Variants in WASHC4 observed in about 807,000 individuals in gnomAD.
WASHC4 encodes WASH complex subunit 7.
Under a neutral mutation model 166.6 loss-of-function variants are expected in WASHC4, and 86 were observed. That is an observed-to-expected ratio of 0.52 (90% CI 0.43 to 0.62). The LOEUF (loss-of-function observed/expected upper bound fraction) is 0.62, where lower values mean the gene tolerates loss of function less well. Among genes scored for constraint, WASHC4 ranks in the 20% least tolerant of loss-of-function variants. The pLI is 0.00. For missense variants in WASHC4, 1,262 were observed against 1,382.4 expected, an observed-to-expected ratio of 0.91 and a Z score of 1.38; for synonymous variants, 446 against 451.6, an observed-to-expected ratio of 0.99 and a Z score of 0.16.
intron 14 of WASHC4, 152 bp from the exon 15 acceptor site, chr12:105,137,734 G>C: frequency 1.6e-6 from 1 of 607,910 alleles, no homozygotes; most frequent in South Asian, 1.9e-5. Flanking sequence ...GTCTCTGTGA[G>C]GAAGAGTATT....
intron 6 of WASHC4, among the ~76,000 whole-genome samples, chr12:105,117,771 T>A (rs1483798027): frequency 6.6e-6 from 1 of 152,224 alleles, no homozygotes; most frequent in Non-Finnish European, 1.5e-5. Context: ...ATAGTTTTAA[T>A]TAGGTTTTAA....
chr12:105,118,813 C>T (rs557552487), intron 7 of WASHC4, among the ~76,000 whole-genome samples: 8 of 152,076 alleles, frequency 5.3e-5, no homozygotes, highest in African/African-American at 1.7e-4. Context: ...GTTCTGTGTT[C>T]TCTCTCTTTA....
chr12:105,147,517 A>G, intron 24 of WASHC4: 1 of 725,942 alleles, frequency 1.4e-6, no homozygotes, highest in East Asian at 8.8e-5. Flanking sequence ...TAATTTACTT[A>G]ATGTTATTTA....
intron 24 of WASHC4, chr12:105,148,535 C>T (rs1266694323): frequency 1.0e-6 from 1 of 985,078 alleles, no homozygotes; most frequent in Non-Finnish European, 1.2e-6. Context: ...GGATAGAAAT[C>T]AGGATGGCAG....
rs183031023 is a variant in WASHC4 at position 105,131,172 on chromosome 12, C to T, written c.1200-2598C>T. Among the ~76,000 whole-genome samples, 694 of 150,924 alleles carry T rather than the reference C, an allele frequency of 4.6e-3. 9 individuals carry two copies. Among genetic ancestry groups the T allele is most frequent in the African/African-American group, 0.015 (628 of 41,224 alleles). ...CGCAATCTCGGCTCACTGCAAGCTC[C>T]GCTTCCCGGGTTCACGCCATTCTCC... is the stretch of plus-strand genomic sequence containing the variant. On this transcript the variant is annotated intron_variant, in intron 13 of 32. Coordinates refer to ENST00000332180, the MANE Select transcript of WASHC4 (RefSeq NM_015275.3).
At chr12:105,115,549 A>G (rs886861038) in intron 5 of WASHC4, 112 bp from the exon 6 acceptor site, 5 of 768,932 alleles carry the variant, frequency 6.5e-6, no homozygotes, top group Admixed American at 3.8e-5. Context: ...TTTCAATACT[A>G]TGCAGAGTAA....
chr12:105,135,353 T>G (rs1193376865), intron 14 of WASHC4, among the ~76,000 whole-genome samples: 1 of 151,914 alleles, frequency 6.6e-6, no homozygotes, highest in Non-Finnish European at 1.5e-5. Flanking sequence ...TCTGAATATG[T>G]CTTCATTTCA....
intron 6 of WASHC4, among the ~76,000 whole-genome samples, chr12:105,117,657 G>T (rs1880316399): frequency 6.6e-6 from 1 of 152,254 alleles, no homozygotes; most frequent in South Asian, 2.1e-4. Flanking sequence ...AATATGTTTT[G>T]TAAGCCTAGT....
At chr12:105,131,112 C>A (rs1253605946) in intron 13 of WASHC4, among the ~76,000 whole-genome samples, 1 of 150,032 alleles carries the variant, frequency 6.7e-6, no homozygotes, top group Non-Finnish European at 1.5e-5. Context: ...CGGAGTCTCG[C>A]TCTGTCTCCC....
chr12:105,153,861 C>T (rs996133184), intron 26 of WASHC4, among the ~76,000 whole-genome samples: 2 of 151,910 alleles, frequency 1.3e-5, no homozygotes, highest in Admixed American at 1.3e-4. Context: ...AATCATAGTC[C>T]TTAAAATGCT....
intron 26 of WASHC4, 139 bp downstream of exon 26, chr12:105,152,590 C>A: frequency 3.0e-6 from 2 of 662,398 alleles, no homozygotes; most frequent in Non-Finnish European, 5.5e-6. Flanking sequence ...TTTTTTACCC[C>A]CAAAATTTGT....
At chr12:105,112,260 C>T (rs1296531113) in intron 2 of WASHC4, among the ~76,000 whole-genome samples, 1 of 152,006 alleles carries the variant, frequency 6.6e-6, no homozygotes, top group Non-Finnish European at 1.5e-5. Context: ...AATAATATTC[C>T]ATTGTAAGGA....
At chr12:105,134,086 T>A (rs924439570) in intron 14 of WASHC4, among the ~76,000 whole-genome samples, 190 bp downstream of exon 14, 54 of 152,142 alleles carry the variant, frequency 3.5e-4, no homozygotes, top group Admixed American at 2.2e-3. Flanking sequence ...TATATTCCTT[T>A]ACAACTTGAC....
rs778129955 is a variant in WASHC4, at chr12:105,141,039, A to C, written c.1701A>C (p.Thr567=). 6.2e-7 allele frequency: 1 copy of C among 1,614,202 alleles called. No individual in the cohort carries two copies. The highest frequency in any genetic ancestry group is 8.5e-7 in the Non-Finnish European group (1 of 1,180,034). ...LIVSLALSVG[T]QMKTFKDEEL... is the part of the protein sequence containing the mutation. ...TTTCTTTGGCACTAAGTGTTGGCACACAAATGGTAAGTGTATTGCTATTAC... is the reference window on the plus strand; with the variant it reads ...TTTCTTTGGCACTAAGTGTTGGCACCCAAATGGTAAGTGTATTGCTATTAC... The change falls in exon 17 of 33, where the codon ACA becomes ACC. Residue 567 remains threonine (T), a synonymous_variant. Transcript: ENST00000332180.
intron 24 of WASHC4, chr12:105,148,097 G>A (rs1295553891): frequency 2.0e-6 from 2 of 985,196 alleles, no homozygotes; most frequent in South Asian, 4.7e-5. Flanking sequence ...CACATTTGGA[G>A]TAGGGAATTG....
Position 105,147,008 on chromosome 12 carries a change from C to T in WASHC4, c.2410-34C>T, listed in dbSNP as rs537537935. The T allele has an allele frequency of 3.0e-5, 35 of 1,185,904 alleles. No individual in the cohort carries two copies. In the South Asian group the frequency reaches 3.6e-4, roughly 12 times the overall value. The allele number at this position is 1,185,904 out of a possible 1,614,324, so 73.5% of individuals were successfully genotyped here. Reference sequence around the variant, plus strand: ...TTTGACCAGTGTTTGCTATGGGTTGCGTTGTTACTGAGCATAAATTTGTTT... The same window carrying T: ...TTTGACCAGTGTTTGCTATGGGTTGTGTTGTTACTGAGCATAAATTTGTTT... On this transcript the variant is annotated intron_variant, in intron 23 of 32. Coordinates refer to ENST00000332180, the MANE Select transcript of WASHC4 (RefSeq NM_015275.3).
At chr12:105,151,241 T>C (rs1272252108) in intron 25 of WASHC4, among the ~76,000 whole-genome samples, 2 of 151,804 alleles carry the variant, frequency 1.3e-5, no homozygotes, top group Non-Finnish European at 2.9e-5. Context: ...ATCTGTTGAA[T>C]TGTTAAGTGG....
At chr12:105,145,923 C>G (rs887181056) in intron 22 of WASHC4, among the ~76,000 whole-genome samples, 2 of 152,058 alleles carry the variant, frequency 1.3e-5, no homozygotes, top group African/African-American at 4.8e-5. Flanking sequence ...TCTAAAGTCC[C>G]AAGGCCCTGC....
intron 20 of WASHC4, 22 bp from the exon 21 acceptor site, chr12:105,144,265 G>A (rs1322291529): frequency 5.6e-6 from 9 of 1,594,866 alleles, no homozygotes; most frequent in African/African-American, 1.3e-5. Flanking sequence ...AAAAATTAAA[G>A]TATCAAATCT....
Sources: allele counts gnomAD v4.1 joint callset (sites outside exome capture counted in the v4.1 genomes callset), GRCh38; gene constraint gnomAD v4.1.1; transcripts MANE v1.5; gene names NCBI Gene and HGNC (gene_info 2026-07-23, HGNC 2026-07-21).